VKORC1L1: variants seen among roughly 807,000 people sequenced by gnomAD.
VKORC1L1 encodes the protein vitamin K epoxide reductase complex subunit 1-like protein 1.
A neutral mutation model predicts 18.9 loss-of-function variants in VKORC1L1; 2 were observed. The observed-to-expected ratio is 0.11, with a 90% CI of 0.04 to 0.33. VKORC1L1 has a LOEUF of 0.33. Ranked by LOEUF, VKORC1L1 falls within the 10% of genes least tolerant of loss-of-function variation. The pLI is 1.00. For missense variants in VKORC1L1, 123 were observed against 224.1 expected (o/e 0.55, Z 2.88); for synonymous variants, 96 against 100.0 (o/e 0.96, Z 0.24).
chr7:65,893,985 G>A (rs532380172), intron 1 of VKORC1L1, among the ~76,000 whole-genome samples: 4 of 150,924 alleles, frequency 2.7e-5, no homozygotes, highest in African/African-American at 9.7e-5. Flanking sequence ...ACGGAGTTTC[G>A]CTCCTGTTGC....
chr7:65,868,575 T>C (rs1465832426), upstream of VKORC1L1, among the ~76,000 whole-genome samples: 2 of 152,338 alleles, frequency 1.3e-5, no homozygotes, highest in East Asian at 3.9e-4. Context: ...TCAACCTAAG[T>C]GTCCATCAAC....
At chr7:65,932,108 G>A (rs1384318820) in intron 1 of VKORC1L1, among the ~76,000 whole-genome samples, 2 of 151,656 alleles carry the variant, frequency 1.3e-5, no homozygotes, top group Non-Finnish European at 2.9e-5. Context: ...TGTTGTTGTT[G>A]TTGTTTTGAG....
At position 65,935,318 on chromosome 7, in the gene VKORC1L1, C is replaced by CT. The variant is rs1307331448; in HGVS notation, c.195-13343dup. Among the ~76,000 whole-genome samples, 245 of 147,358 alleles carry CT rather than the reference C, an allele frequency of 1.7e-3. 1 individual carries two copies. The highest frequency in any genetic ancestry group is 4.6e-3 in the African/African-American group (184 of 40,244). ...TTAAAGATTTCGGCCTCCATGGTTT[C>CT]TTTTTTTTTTGAGATGGAGGCTTGG... On this transcript the variant is annotated intron_variant, in intron 1 of 2. Coordinates refer to ENST00000360768, the MANE Select transcript of VKORC1L1 (RefSeq NM_173517.6).
intron 1 of VKORC1L1, among the ~76,000 whole-genome samples, chr7:65,900,042 C>CGTGTGTGTGTGTGT (rs58269522): frequency 1.4e-5 from 2 of 140,978 alleles, no homozygotes; most frequent in South Asian, 4.7e-4. Context: ...TGTGCACGCA[C>CGTGTGTGTGTGTGT]GTGTGTGTGT....
chr7:65,917,706 CT>C (rs1179304582), intron 1 of VKORC1L1, among the ~76,000 whole-genome samples: 3 of 152,228 alleles, frequency 2.0e-5, no homozygotes, highest in African/African-American at 7.2e-5. Context: ...TTATCTACCC[CT>C]GTATCCATCA....
At chr7:65,899,690 AG>A (rs1266702034) in intron 1 of VKORC1L1, among the ~76,000 whole-genome samples, 29 of 152,104 alleles carry the variant, frequency 1.9e-4, no homozygotes, top group Non-Finnish European at 2.4e-4. Flanking sequence ...GTTACGAGAT[AG>A]AAATGGGGAC....
At chr7:65,930,670 T>C (rs1789842900) in intron 1 of VKORC1L1, among the ~76,000 whole-genome samples, 1 of 152,206 alleles carries the variant, frequency 6.6e-6, no homozygotes, top group Admixed American at 6.5e-5. Flanking sequence ...TTGTGCCATC[T>C]ACAAATTGAG....
At chr7:65,886,996 C>T (rs1410481225) in intron 1 of VKORC1L1, among the ~76,000 whole-genome samples, 1 of 151,174 alleles carries the variant, frequency 6.6e-6, no homozygotes, top group Non-Finnish European at 1.5e-5. Flanking sequence ...ATTACAGGCG[C>T]ACGCCACCAA....
chr7:65,947,153 C>T (rs1011473767), intron 1 of VKORC1L1, among the ~76,000 whole-genome samples: 1 of 151,888 alleles, frequency 6.6e-6, no homozygotes, highest in African/African-American at 2.4e-5. Flanking sequence ...CAAAACAAAA[C>T]AAAACAAACA....
intron 1 of VKORC1L1, among the ~76,000 whole-genome samples, chr7:65,894,271 A>C (rs999154501): frequency 6.7e-5 from 10 of 150,328 alleles, no homozygotes; most frequent in African/African-American, 2.5e-4. Flanking sequence ...TTTTTTTTTT[A>C]ATCTACACCT....
At chr7:65,897,638 ATTACTC>A (rs1009981675) in intron 1 of VKORC1L1, among the ~76,000 whole-genome samples, 26 of 151,624 alleles carry the variant, frequency 1.7e-4, no homozygotes, top group Admixed American at 3.3e-4. Flanking sequence ...TCAGGGTAGT[ATTACTC>A]TTGCGGAGCT....
intron 1 of VKORC1L1, among the ~76,000 whole-genome samples, chr7:65,925,752 A>G (rs1363391252): frequency 2.0e-5 from 3 of 152,194 alleles, no homozygotes; most frequent in East Asian, 3.8e-4. Flanking sequence ...CAAGATAAAC[A>G]TAATAGATTT....
At chr7:65,932,083 A>G (rs1349517071) in intron 1 of VKORC1L1, among the ~76,000 whole-genome samples, 1 of 151,168 alleles carries the variant, frequency 6.6e-6, no homozygotes, top group East Asian at 2.0e-4. Context: ...TTAGATCTAA[A>G]TTGTTCTTTG....
At chr7:65,889,772 G>A (rs1198773028) in intron 1 of VKORC1L1, among the ~76,000 whole-genome samples, 2 of 152,076 alleles carry the variant, frequency 1.3e-5, no homozygotes, top group Non-Finnish European at 2.9e-5. Flanking sequence ...TAGTAGTTTA[G>A]TTTTGCTATT....
In VKORC1L1 at chr7:65,877,277, T is replaced by C. The variant is rs558363958; in HGVS notation, c.194+3712T>C. ...TTTTAATGTAGTTTATTGCTGACTT[T>C]ATAGCATAGTATAAAGATGTGTTCA... On this transcript the variant is annotated intron_variant, in intron 1 of 2. Coordinates refer to ENST00000360768, the MANE Select transcript of VKORC1L1 (RefSeq NM_173517.6). 2.9e-4 allele frequency among the ~76,000 whole-genome samples: 44 copies of C among 152,350 alleles called. 1 individual carries two copies. In the South Asian group the frequency reaches 5.8e-3, roughly 20 times the overall value.
chr7:65,884,041 TACTCA>T (rs1788972966), intron 1 of VKORC1L1, among the ~76,000 whole-genome samples: 1 of 152,206 alleles, frequency 6.6e-6, no homozygotes, highest in African/African-American at 2.4e-5. Context: ...GTAGACAGTA[TACTCA>T]ACTCCACTGT....
chr7:65,895,019 C>G (rs144606759), intron 1 of VKORC1L1, among the ~76,000 whole-genome samples: 6 of 152,298 alleles, frequency 3.9e-5, no homozygotes, highest in East Asian at 1.9e-4. Flanking sequence ...CAGGATAGCT[C>G]TCACATTTGT....
chr7:65,933,102 T>C (rs979086388), intron 1 of VKORC1L1, among the ~76,000 whole-genome samples: 1 of 129,106 alleles, frequency 7.7e-6, no homozygotes, highest in Non-Finnish European at 1.7e-5. Flanking sequence ...AAAAAAAAAG[T>C]GTGTCGGCTG....
At chr7:65,888,790 T>G (rs1789057257) in intron 1 of VKORC1L1, among the ~76,000 whole-genome samples, 1 of 152,142 alleles carries the variant, frequency 6.6e-6, no homozygotes, top group Non-Finnish European at 1.5e-5. Flanking sequence ...CCTTCCTCCT[T>G]CCTGAGAATT....
Sources: gnomAD v4.1 joint callset for allele counts (sites outside exome capture counted in the v4.1 genomes callset) on GRCh38, gnomAD v4.1.1 for gene constraint, MANE v1.5 for transcripts, NCBI Gene and HGNC (gene_info 2026-07-23, HGNC 2026-07-21) for gene names.